The following CCDC85A variants were observed in gnomAD, a reference collection of about 807,000 sequenced individuals.
CCDC85A encodes coiled-coil domain-containing protein 85A.
CCDC85A carries 38 observed loss-of-function variants against 50.2 expected under a neutral mutation model. That is an observed-to-expected ratio of 0.76 (90% CI 0.58 to 0.99). CCDC85A has a LOEUF of 0.99. CCDC85A is among the 50% of genes least tolerant of loss of function. The probability of loss-of-function intolerance (pLI) is 0.00; values close to 1 mark genes in which losing one functional copy is unlikely to be tolerated. For synonymous variants in CCDC85A, 366 were observed against 301.4 expected, an observed-to-expected ratio of 1.21 and a Z score of -2.22; for missense variants, 820 against 742.0, an observed-to-expected ratio of 1.11 and a Z score of -1.22.
At chr2:56,214,765 G>C (rs1558587776) in intron 2 of CCDC85A, among the ~76,000 whole-genome samples, 1 of 151,896 alleles carries the variant, frequency 6.6e-6, no homozygotes, top group Non-Finnish European at 1.5e-5. Context: ...ATTCCACACT[G>C]TCTTGATTAC....
intron 2 of CCDC85A, among the ~76,000 whole-genome samples, chr2:56,208,987 C>T (rs1157930991): frequency 6.6e-6 from 1 of 152,056 alleles, no homozygotes; most frequent in Non-Finnish European, 1.5e-5. Flanking sequence ...TGTATACTGG[C>T]CCAGGGTCTG....
chr2:56,208,750 C>T (rs1221806660), intron 2 of CCDC85A, among the ~76,000 whole-genome samples: 1 of 152,090 alleles, frequency 6.6e-6, no homozygotes, highest in East Asian at 1.9e-4. Context: ...AGGGCAGGCA[C>T]AGCAAAAGGA....
rs141228660 is a variant in CCDC85A at position 56,248,568 on chromosome 2, G to T, written c.1240+55128G>T. 1.5e-3 allele frequency among the ~76,000 whole-genome samples: 228 copies of T among 152,316 alleles called. 1 individual carries two copies. The highest frequency in any genetic ancestry group is 5.0e-3 in the African/African-American group (209 of 41,576). ...GGCAATTGACTCAGTCCTGCCTGGG[G>T]TGCTTCTGTTTTAACAAGTGGCTTC... On this transcript the variant is annotated intron_variant, in intron 2 of 5. Transcript: ENST00000407595.
intron 2 of CCDC85A, among the ~76,000 whole-genome samples, chr2:56,313,027 A>G (rs1452103475): frequency 6.6e-6 from 1 of 152,150 alleles, no homozygotes; most frequent in South Asian, 2.1e-4. Flanking sequence ...AGGTCTTAAC[A>G]TGCTCATTTT....
intron 3 of CCDC85A, among the ~76,000 whole-genome samples, chr2:56,371,747 T>A (rs1676083550): frequency 6.6e-6 from 1 of 152,120 alleles, no homozygotes; most frequent in Admixed American, 6.6e-5. Flanking sequence ...AACTTATGAA[T>A]ACAAAGTTTG....
chr2:56,375,224 A>G (rs553354054), intron 4 of CCDC85A, among the ~76,000 whole-genome samples: 1 of 152,236 alleles, frequency 6.6e-6, no homozygotes, highest in Non-Finnish European at 1.5e-5. Context: ...ATTAAGTTGA[A>G]GAACCACTAA....
chr2:56,308,907 C>T (rs1240278277), intron 2 of CCDC85A, among the ~76,000 whole-genome samples: 2 of 152,090 alleles, frequency 1.3e-5, no homozygotes, highest in African/African-American at 2.4e-5. Context: ...GACAGTTGCA[C>T]CTTTTGTCAA....
At chr2:56,383,150 T>A (rs1676669033) in intron 5 of CCDC85A, among the ~76,000 whole-genome samples, 1 of 151,984 alleles carries the variant, frequency 6.6e-6, no homozygotes, top group Admixed American at 6.6e-5. Context: ...TTCTTTGGCT[T>A]AGAAATGAAG....
At chr2:56,323,429 T>C (rs1380289715) in intron 2 of CCDC85A, among the ~76,000 whole-genome samples, 1 of 152,060 alleles carries the variant, frequency 6.6e-6, no homozygotes, top group African/African-American at 2.4e-5. Flanking sequence ...GGTTTTATTT[T>C]CAAGATAACT....
intron 2 of CCDC85A, among the ~76,000 whole-genome samples, chr2:56,340,282 T>C (rs1674289680): frequency 6.6e-6 from 1 of 152,202 alleles, no homozygotes; most frequent in East Asian, 1.9e-4. Flanking sequence ...AAAATAATTG[T>C]GTTTCCATGA....
chr2:56,377,620 C>T (rs76830168), intron 5 of CCDC85A, among the ~76,000 whole-genome samples: 3,720 of 152,200 alleles, frequency 0.024, 136 homozygotes, highest in African/African-American at 0.085. Context: ...GAATTTAGTT[C>T]TAATTTTCAT....
At chr2:56,349,388 AG>A in intron 3 of CCDC85A, among the ~76,000 whole-genome samples, 1 of 152,222 alleles carries the variant, frequency 6.6e-6, no homozygotes, top group South Asian at 2.1e-4. Context: ...TTGGAATAAA[AG>A]AGATAATTAG....
intron 3 of CCDC85A, among the ~76,000 whole-genome samples, chr2:56,369,652 A>T (rs1024445870): frequency 6.6e-6 from 1 of 152,174 alleles, no homozygotes; most frequent in Non-Finnish European, 1.5e-5. Flanking sequence ...GTTTCCAACA[A>T]ATAGTTCTTG....
intron 3 of CCDC85A, among the ~76,000 whole-genome samples, chr2:56,352,889 T>C (rs938842976): frequency 3.3e-5 from 5 of 152,156 alleles, no homozygotes; most frequent in Admixed American, 2.6e-4. Flanking sequence ...AAGCCTTATA[T>C]AGCTTGTCTA....
intron 2 of CCDC85A, among the ~76,000 whole-genome samples, chr2:56,303,806 T>C (rs1212319880): frequency 6.6e-6 from 1 of 152,138 alleles, no homozygotes; most frequent in Non-Finnish European, 1.5e-5. Flanking sequence ...TAAGGGGTGC[T>C]TTAGACTGTT....
intron 2 of CCDC85A, among the ~76,000 whole-genome samples, chr2:56,235,633 GTGTCATAATATT>G (rs1668975702): frequency 6.6e-6 from 1 of 152,124 alleles, no homozygotes; most frequent in East Asian, 1.9e-4. Context: ...ACAGGCATCA[GTGTCATAATATT>G]CAGTCTCCTG....
chr2:56,246,771 G>A (rs948866339), intron 2 of CCDC85A, among the ~76,000 whole-genome samples: 32 of 152,094 alleles, frequency 2.1e-4, no homozygotes, highest in African/African-American at 7.7e-4. Flanking sequence ...CCAATGCACA[G>A]ATTTCTTTTA....
At chr2:56,288,660 T>G (rs1671557365) in intron 2 of CCDC85A, among the ~76,000 whole-genome samples, 1 of 151,984 alleles carries the variant, frequency 6.6e-6, no homozygotes, top group African/African-American at 2.4e-5. Context: ...GCATTTCATC[T>G]CCTGGGGCCC....
At chr2:56,278,622 G>T (rs1671069323) in intron 2 of CCDC85A, among the ~76,000 whole-genome samples, 1 of 152,026 alleles carries the variant, frequency 6.6e-6, no homozygotes, top group Non-Finnish European at 1.5e-5. Context: ...TGCCCAGGCT[G>T]GAATGCAGTG....
Sources: gnomAD v4.1 joint callset for allele counts (sites outside exome capture counted in the v4.1 genomes callset) on GRCh38, gnomAD v4.1.1 for gene constraint, MANE v1.5 for transcripts, NCBI Gene and HGNC (gene_info 2026-07-23, HGNC 2026-07-21) for gene names.